The following MAP3K7 variants were observed in gnomAD, a reference collection of about 807,000 sequenced individuals.
MAP3K7 encodes the protein TGF-beta activated kinase 1.
In MAP3K7, 21 loss-of-function variants were observed where a neutral mutation model predicts 84.8. The ratio of observed to expected loss-of-function variants is 0.25; its 90% CI spans 0.18 to 0.36. The LOEUF (loss-of-function observed/expected upper bound fraction) is 0.36, where lower values mean the gene tolerates loss of function less well. MAP3K7 is among the 10% of genes least tolerant of loss of function. The probability of loss-of-function intolerance (pLI) is 1.00; values close to 1 mark genes in which losing one functional copy is unlikely to be tolerated. For missense variants in MAP3K7, 503 were observed against 747.7 expected (o/e 0.67, Z 3.82); for synonymous variants, 241 against 247.7 (o/e 0.97, Z 0.25).
At chr6:90,546,441 G>A (rs1039955214) in intron 11 of MAP3K7, among the ~76,000 whole-genome samples, 1 of 152,068 alleles carries the variant, frequency 6.6e-6, no homozygotes, top group Admixed American at 6.6e-5. Context: ...TCTCTGAGTG[G>A]GGTAATTATG....
rs912192454 is a variant in MAP3K7, at chr6:90,544,481, C to T, written c.1291+71G>A. 2.8e-5 allele frequency: 38 copies of T among 1,345,058 alleles called. No homozygotes were observed. The African/African-American group carries it at 5.3e-4, about 19-fold the overall frequency. 83.3% of individuals were successfully genotyped at this position (1,345,058 alleles called of 1,614,324 possible). A position where few individuals can be genotyped will look rare whatever the true frequency, so the allele number is the denominator to read the frequency against. ...GTCTTGTAAAAATTGGAGCAAGAAG[C>T]ATTTTACAAGTACCAGGGATCATTA... On this transcript the variant is annotated intron_variant, in intron 12 of 16. Transcript: ENST00000369329.
At chr6:90,529,851 G>A (rs922288197) in intron 13 of MAP3K7, among the ~76,000 whole-genome samples, 1 of 152,070 alleles carries the variant, frequency 6.6e-6, no homozygotes, top group Non-Finnish European at 1.5e-5. Context: ...CAGGATCTGG[G>A]AAATTGCTGA....
chr6:90,580,003 G>C (rs1777216319), intron 1 of MAP3K7, among the ~76,000 whole-genome samples: 1 of 152,176 alleles, frequency 6.6e-6, no homozygotes, highest in Non-Finnish European at 1.5e-5. Context: ...CATGTGTATA[G>C]ATTTTTAAAA....
At chr6:90,540,107 G>T (rs1775808311) in intron 12 of MAP3K7, among the ~76,000 whole-genome samples, 1 of 151,780 alleles carries the variant, frequency 6.6e-6, no homozygotes, top group African/African-American at 2.4e-5. Flanking sequence ...AGGTTCTTCA[G>T]GAAACTAGGC....
intron 15 of MAP3K7, among the ~76,000 whole-genome samples, chr6:90,519,030 C>A (rs1334534330): frequency 6.6e-6 from 1 of 151,764 alleles, no homozygotes; most frequent in African/African-American, 2.4e-5. Flanking sequence ...AAGAAAGATA[C>A]TGGAGGATTT....
chr6:90,580,754 C>A (rs1451308622), intron 1 of MAP3K7, among the ~76,000 whole-genome samples: 2 of 152,200 alleles, frequency 1.3e-5, no homozygotes, highest in Non-Finnish European at 2.9e-5. Context: ...ATAAATATTT[C>A]AGATATTCTT....
chr6:90,580,010 A>T (rs1290764489), intron 1 of MAP3K7, among the ~76,000 whole-genome samples: 3 of 152,234 alleles, frequency 2.0e-5, no homozygotes, highest in Admixed American at 6.5e-5. Flanking sequence ...ATAGATTTTT[A>T]AAAAATATAT....
rs567237905 is a variant in MAP3K7 at position 90,558,247 on chromosome 6, G to A, written c.483-1623C>T. ...TGAGGCAGGAGAATTGCTTGAACCC[G>A]GGAGGTGGAGGTTGTAGTGAGCTGA... On this transcript the variant is annotated intron_variant, in intron 5 of 16. Transcript: ENST00000369329. 9.9e-5 allele frequency among the ~76,000 whole-genome samples: 15 copies of A among 152,164 alleles called. 1 individual carries two copies. In the South Asian group the frequency reaches 1.5e-3, roughly 15 times the overall value.
chr6:90,575,801 G>T (rs1777054978), intron 1 of MAP3K7, among the ~76,000 whole-genome samples: 1 of 152,098 alleles, frequency 6.6e-6, no homozygotes, highest in Non-Finnish European at 1.5e-5. Context: ...ATGCAAGTGA[G>T]GCTTGATGTT....
chr6:90,565,798 G>A (rs531545479), intron 3 of MAP3K7, among the ~76,000 whole-genome samples: 80 of 152,146 alleles, frequency 5.3e-4, no homozygotes, highest in African/African-American at 1.8e-3. Context: ...GATGAACATC[G>A]ATGCAAAAAT....
intron 11 of MAP3K7, among the ~76,000 whole-genome samples, chr6:90,546,931 C>T (rs1227333053): frequency 1.3e-5 from 2 of 151,882 alleles, no homozygotes; most frequent in South Asian, 4.2e-4. Flanking sequence ...TGAAAATCCC[C>T]AAAATATTCT....
chr6:90,552,629 CAT>C (rs1776217284), intron 7 of MAP3K7, among the ~76,000 whole-genome samples: 1 of 152,058 alleles, frequency 6.6e-6, no homozygotes, highest in East Asian at 1.9e-4. Flanking sequence ...ATAAACAAGG[CAT>C]AGAAATGAAA....
At chr6:90,581,904 T>C (rs1777284104) in intron 1 of MAP3K7, among the ~76,000 whole-genome samples, 1 of 152,246 alleles carries the variant, frequency 6.6e-6, no homozygotes, top group South Asian at 2.1e-4. Context: ...GTTTAAGTTC[T>C]ATCTATATCT....
intron 8 of MAP3K7, 61 bp from the exon 9 acceptor site, chr6:90,550,610 A>C: frequency 9.4e-7 from 1 of 1,059,716 alleles, no homozygotes; most frequent in Non-Finnish European, 1.4e-6. Context: ...AATCCTGATT[A>C]ATGTTTTATT....
chr6:90,565,303 G>C (rs888613268), intron 3 of MAP3K7, among the ~76,000 whole-genome samples: 14 of 151,898 alleles, frequency 9.2e-5, no homozygotes, highest in African/African-American at 3.4e-4. Flanking sequence ...CAGCAAAACT[G>C]ATAGACCACT....
At chr6:90,575,902 A>G (rs1261286330) in intron 1 of MAP3K7, among the ~76,000 whole-genome samples, 1 of 143,544 alleles carries the variant, frequency 7.0e-6, no homozygotes, top group Non-Finnish European at 1.5e-5. Flanking sequence ...CATCAGAAAT[A>G]CAGAAAGAAA....
chr6:90,525,827 A>G (rs192136577), intron 13 of MAP3K7, among the ~76,000 whole-genome samples: 21 of 150,900 alleles, frequency 1.4e-4, no homozygotes, highest in Non-Finnish European at 2.8e-4. Flanking sequence ...ACAGTTTCCC[A>G]AAGCACTGGG....
At chr6:90,556,668 C>T (rs775266017) in intron 5 of MAP3K7, 44 bp from the exon 6 acceptor site, 2 of 1,543,684 alleles carry the variant, frequency 1.3e-6, no homozygotes, top group African/African-American at 1.4e-5. Flanking sequence ...ACAAGGCCAA[C>T]ATTTTATTCT....
chr6:90,566,170 C>T (rs1161334815), intron 3 of MAP3K7, among the ~76,000 whole-genome samples: 2 of 152,176 alleles, frequency 1.3e-5, no homozygotes, highest in East Asian at 1.9e-4. Context: ...AGGATGCCCT[C>T]ACTCACCACT....
Sources: allele counts gnomAD v4.1 joint callset (sites outside exome capture counted in the v4.1 genomes callset), GRCh38; gene constraint gnomAD v4.1.1; transcripts MANE v1.5; gene names NCBI Gene and HGNC (gene_info 2026-07-23, HGNC 2026-07-21).